TEAD1: variants seen among roughly 807,000 people sequenced by gnomAD.
TEAD1 encodes the protein transcriptional enhancer factor TEF-1.
In TEAD1, 9 loss-of-function variants were observed where a neutral mutation model predicts 54.9. The ratio of observed to expected loss-of-function variants is 0.16; its 90% CI spans 0.10 to 0.29. TEAD1 has a LOEUF of 0.29. Among genes scored for constraint, TEAD1 ranks in the 10% least tolerant of loss-of-function variants. The probability of loss-of-function intolerance (pLI) is 1.00; values close to 1 mark genes in which losing one functional copy is unlikely to be tolerated. For missense variants in TEAD1, 387 were observed against 535.9 expected (o/e 0.72, Z 2.74); for synonymous variants, 200 against 187.8 (o/e 1.07, Z -0.53).
Position 12,892,569 on chromosome 11 carries a change from G to T in TEAD1, c.700-9371G>T, listed in dbSNP as rs774176603. Among the ~76,000 whole-genome samples the T allele has an allele frequency of 3.5e-4, 53 of 152,118 alleles. 1 individual carries two copies. The highest frequency in any genetic ancestry group is 1.5e-4 in the Non-Finnish European group (10 of 68,012). On this transcript the variant is annotated intron_variant, in intron 9 of 12. Coordinates refer to ENST00000527636, the MANE Select transcript of TEAD1 (RefSeq NM_021961.6). ...TGAGGCAGGAGATTTGCTTGAACCT[G>T]GGAAGCAGAGGTTGCAGTGAGCTGA... is the stretch of plus-strand genomic sequence containing the variant.
chr11:12,913,729 T>C (rs972593725), intron 10 of TEAD1, among the ~76,000 whole-genome samples: 3 of 152,264 alleles, frequency 2.0e-5, no homozygotes, highest in Non-Finnish European at 4.4e-5. Flanking sequence ...TATGTTCATA[T>C]GTACTGAAAA....
At chr11:12,892,461 T>C (rs1167691625) in intron 9 of TEAD1, among the ~76,000 whole-genome samples, 1 of 152,052 alleles carries the variant, frequency 6.6e-6, no homozygotes, top group African/African-American at 2.4e-5. Context: ...CTGGCCAACA[T>C]GGTGAATCCC....
chr11:12,758,352 T>C (rs1215873366), intron 2 of TEAD1, among the ~76,000 whole-genome samples: 3 of 150,170 alleles, frequency 2.0e-5, no homozygotes, highest in African/African-American at 7.4e-5. Flanking sequence ...GTAATCCTCC[T>C]GCCTCAGCCT....
chr11:12,743,051 A>G (rs538284091), intron 2 of TEAD1, among the ~76,000 whole-genome samples: 7 of 152,256 alleles, frequency 4.6e-5, no homozygotes, highest in African/African-American at 1.7e-4. Flanking sequence ...TCAGAGTCTG[A>G]TTATAGAGAC....
intron 2 of TEAD1, among the ~76,000 whole-genome samples, chr11:12,693,775 A>G (rs1347167836): frequency 2.6e-5 from 4 of 152,232 alleles, no homozygotes; most frequent in African/African-American, 9.6e-5. Context: ...TTAGGGTCAG[A>G]AACATATTAA....
At chr11:12,801,261 A>G (rs1161583102) in intron 3 of TEAD1, among the ~76,000 whole-genome samples, 2 of 152,218 alleles carry the variant, frequency 1.3e-5, no homozygotes, top group African/African-American at 4.8e-5. Flanking sequence ...CTCCAGTTAT[A>G]CATGGTGATT....
At chr11:12,908,470 G>A (rs1948557224) in intron 10 of TEAD1, among the ~76,000 whole-genome samples, 1 of 152,176 alleles carries the variant, frequency 6.6e-6, no homozygotes, top group South Asian at 2.1e-4. Context: ...GGCCTGCCAT[G>A]CTTCCTGTCT....
intron 3 of TEAD1, among the ~76,000 whole-genome samples, chr11:12,769,262 C>A (rs920317469): frequency 1.3e-5 from 2 of 152,136 alleles, no homozygotes; most frequent in African/African-American, 4.8e-5. Flanking sequence ...AGTCCTCCCC[C>A]GCTGCTGACC....
chr11:12,681,035 A>G (rs1392900758), intron 2 of TEAD1, among the ~76,000 whole-genome samples: 1 of 152,082 alleles, frequency 6.6e-6, no homozygotes, highest in East Asian at 1.9e-4. Flanking sequence ...CTTTGGTGGA[A>G]TCTCTTTCAA....
intron 2 of TEAD1, among the ~76,000 whole-genome samples, chr11:12,713,104 C>T (rs1389286545): frequency 6.6e-6 from 1 of 152,130 alleles, no homozygotes; most frequent in East Asian, 1.9e-4. Context: ...ACTGCAGCCT[C>T]GACCTTAGGG....
intron 2 of TEAD1, among the ~76,000 whole-genome samples, chr11:12,677,365 G>T (rs1346785207): frequency 6.6e-6 from 1 of 152,106 alleles, no homozygotes; most frequent in Non-Finnish European, 1.5e-5. Context: ...GGTTTGGGAG[G>T]GCAGCCTGGG....
intron 3 of TEAD1, among the ~76,000 whole-genome samples, chr11:12,821,961 C>CTTTTTTTT (rs10700151): frequency 0.013 from 884 of 68,014 alleles, 186 homozygotes; most frequent in African/African-American, 0.034. Flanking sequence ...TTCTCTTTTC[C>CTTTTTTTT]TTTTTTTTTT....
chr11:12,757,910 G>C (rs1469652504), intron 2 of TEAD1, among the ~76,000 whole-genome samples: 1 of 152,058 alleles, frequency 6.6e-6, no homozygotes, highest in Non-Finnish European at 1.5e-5. Flanking sequence ...CTCCCAAGTA[G>C]CTGGGATTAC....
At position 12,883,107 on chromosome 11, in the gene TEAD1, G is replaced by T. The variant is rs757893761; in HGVS notation, c.681G>T (p.Gln227His). 1 of 1,614,208 alleles carries T rather than the reference G, an allele frequency of 6.2e-7. No homozygotes were observed. Among genetic ancestry groups the T allele is most frequent in the East Asian group, 2.2e-5 (1 of 44,876 alleles). The stretch of plus-strand genomic sequence containing the variant: ...TGGAATTTTCAGCTTTTCTCGAGCA[G>T]CAGCGAGACCCAGACTCGGTGAGTG... Residue 227 changes from glutamine (Q) to histidine (H), a missense_variant, in exon 9 of 13, where the codon CAG becomes CAT. Gln to His is a conservative substitution (Grantham distance 24). This residue lies in a region of TEAD1 where 180 missense variants were observed against 180.6 expected (regional missense o/e 1.00). Coordinates refer to ENST00000527636, the MANE Select transcript of TEAD1 (RefSeq NM_021961.6).
Position 12,877,391 on chromosome 11 carries a change from G to A in TEAD1, c.331-2317G>A, listed in dbSNP as rs183262517. ...AATGTGGCTGGGCGTGGTGGCTTAC[G>A]CCTGTAATCCCAGCACTTTGGGAGG... On this transcript the variant is annotated intron_variant, in intron 5 of 12. Transcript: ENST00000527636. Among the ~76,000 whole-genome samples, 58 of 152,302 alleles carry A rather than the reference G, an allele frequency of 3.8e-4. 2 individuals carry two copies. In the East Asian group the frequency reaches 0.011, roughly 28 times the overall value.
In TEAD1 at chr11:12,862,156, A is replaced by G. The variant is rs1474746133; in HGVS notation, c.203-94A>G. 53 of 969,170 alleles carry G rather than the reference A, an allele frequency of 5.5e-5. No individual in the cohort carries two copies. The Admixed American group carries it at 1.0e-3, about 19-fold the overall frequency. The allele number at this position is 969,170 out of a possible 1,614,324, so 60.0% of individuals were successfully genotyped here. On this transcript the variant is annotated intron_variant, in intron 3 of 12. Transcript: ENST00000527636. Reference sequence around the variant, plus strand: ...GTAAACACATAGTTGTAATTTTAAAATTCTTGATTCTGAATTTTGTTTTTT... The same window carrying G: ...GTAAACACATAGTTGTAATTTTAAAGTTCTTGATTCTGAATTTTGTTTTTT...
At chr11:12,762,494 T>G (rs1428786182) in intron 2 of TEAD1, among the ~76,000 whole-genome samples, 1 of 152,182 alleles carries the variant, frequency 6.6e-6, no homozygotes, top group Non-Finnish European at 1.5e-5. Flanking sequence ...TACCTTCACA[T>G]TTGGCAATTT....
chr11:12,692,636 G>A (rs562568166), intron 2 of TEAD1, among the ~76,000 whole-genome samples: 1 of 152,306 alleles, frequency 6.6e-6, no homozygotes, highest in Non-Finnish European at 1.5e-5. Context: ...AGAGTAGGGG[G>A]AAGAGCCCCG....
At chr11:12,886,652 T>G (rs532332473) in intron 9 of TEAD1, among the ~76,000 whole-genome samples, 342 of 152,180 alleles carry the variant, frequency 2.2e-3, no homozygotes, top group Non-Finnish European at 4.2e-3. Context: ...TAATGGTCCT[T>G]TGTCACAACT....
Sources: allele counts gnomAD v4.1 joint callset (sites outside exome capture counted in the v4.1 genomes callset), GRCh38; gene constraint gnomAD v4.1.1; regional missense constraint gnomAD v4.1.1; transcripts MANE v1.5; gene names NCBI Gene and HGNC (gene_info 2026-07-23, HGNC 2026-07-21).